Variants in CRIM1 observed in about 807,000 individuals in gnomAD.
CRIM1 encodes the protein cysteine rich transmembrane BMP regulator 1.
Under a neutral mutation model 116.4 loss-of-function variants are expected in CRIM1, and 32 were observed. The observed-to-expected ratio is 0.27, with a 90% CI of 0.21 to 0.37. CRIM1 has a LOEUF of 0.37. Among genes scored for constraint, CRIM1 ranks in the 10% least tolerant of loss-of-function variants. The pLI is 1.00. For synonymous variants in CRIM1, 590 were observed against 509.2 expected (o/e 1.16, Z -2.13); for missense variants, 1,331 against 1,354.8 (o/e 0.98, Z 0.28).
intron 14 of CRIM1, among the ~76,000 whole-genome samples, chr2:36,542,669 A>T (rs775293353): frequency 6.6e-6 from 1 of 152,202 alleles, no homozygotes; most frequent in Non-Finnish European, 1.5e-5. Flanking sequence ...CTATTGTCAT[A>T]GGAAGGCTCA....
intron 2 of CRIM1, among the ~76,000 whole-genome samples, chr2:36,404,316 T>A (rs886313640): frequency 1.3e-5 from 2 of 152,236 alleles, no homozygotes; most frequent in African/African-American, 2.4e-5. Flanking sequence ...TTTAAAAGTA[T>A]CTGACTATAG....
rs575790085 is a variant in CRIM1, at chr2:36,374,748, G to A, written c.331+18125G>A. ...AATTTATTTTCCTGAGTGCCTGGGC[G>A]TGCTCCAAACAGATAGCTGTGATTG... On this transcript the variant is annotated intron_variant, in intron 1 of 16. Transcript: ENST00000280527. Among the ~76,000 whole-genome samples the A allele has an allele frequency of 5.9e-5, 9 of 152,188 alleles. No individual in the cohort carries two copies. In the South Asian group the frequency reaches 1.2e-3, roughly 21 times the overall value.
At position 36,550,082 on chromosome 2, in the gene CRIM1, C is replaced by T. The variant is rs1301666747; in HGVS notation, c.*1381C>T. On this transcript the variant is annotated 3_prime_UTR_variant, in exon 17 of 17. Coordinates refer to ENST00000280527, the MANE Select transcript of CRIM1 (RefSeq NM_016441.3). ...GTGTGTGTGTGCGCGCGCACGCACG[C>T]CTTGAGCAGTCAGCATTGCACCTGC... 6.6e-6 allele frequency: 1 copy of T among 152,134 alleles called. No homozygotes were observed. Among genetic ancestry groups the T allele is most frequent in the African/African-American group, 2.4e-5 (1 of 41,220 alleles). The allele number at this position is 152,134 out of a possible 1,614,324, so 9.4% of individuals were successfully genotyped here.
intron 4 of CRIM1, among the ~76,000 whole-genome samples, chr2:36,461,382 CA>C: frequency 6.6e-6 from 1 of 152,132 alleles, no homozygotes; most frequent in Admixed American, 6.5e-5. Flanking sequence ...TTAGGGAGGA[CA>C]AAAAGAATTA....
At chr2:36,523,135 G>T (rs1246889974) in intron 13 of CRIM1, among the ~76,000 whole-genome samples, 1 of 151,938 alleles carries the variant, frequency 6.6e-6, no homozygotes, top group Non-Finnish European at 1.5e-5. Flanking sequence ...TTGTATTTTA[G>T]TAGAGATGGG....
intron 4 of CRIM1, among the ~76,000 whole-genome samples, chr2:36,453,464 ACC>A (rs1186198834): frequency 6.6e-6 from 1 of 152,164 alleles, no homozygotes; most frequent in Non-Finnish European, 1.5e-5. Flanking sequence ...GAGGGCAAGG[ACC>A]CACCCTATAT....
rs117949061 is a variant in CRIM1 at position 36,386,582 on chromosome 2, C to T, written c.332-10032C>T. Among the ~76,000 whole-genome samples the T allele has an allele frequency of 3.8e-4, 58 of 152,342 alleles. 1 individual carries two copies. In the East Asian group the frequency reaches 9.4e-3, roughly 25 times the overall value. Reference sequence around the variant, plus strand: ...GCTTTGATTAAATTCATGTGCTCGTCCTCTCTATCCCTATTTATTCCTTCT... The same window carrying T: ...GCTTTGATTAAATTCATGTGCTCGTTCTCTCTATCCCTATTTATTCCTTCT... On this transcript the variant is annotated intron_variant, in intron 1 of 16. Coordinates refer to ENST00000280527, the MANE Select transcript of CRIM1 (RefSeq NM_016441.3).
intron 8 of CRIM1, among the ~76,000 whole-genome samples, chr2:36,507,960 T>G (rs1558382538): frequency 2.0e-5 from 3 of 152,222 alleles, no homozygotes; most frequent in African/African-American, 7.2e-5. Flanking sequence ...TTTCCCAACA[T>G]AATTCATTTG....
chr2:36,391,347 C>T (rs552288834), intron 1 of CRIM1, among the ~76,000 whole-genome samples: 1 of 150,940 alleles, frequency 6.6e-6, no homozygotes, highest in African/African-American at 2.4e-5. Context: ...CCAGGATGGT[C>T]TCGATCTCCT....
chr2:36,429,229 C>T (rs958501793), intron 2 of CRIM1, among the ~76,000 whole-genome samples: 1 of 152,210 alleles, frequency 6.6e-6, no homozygotes, highest in African/African-American at 2.4e-5. Context: ...TTTGTGAGAG[C>T]TGTTTCACCA....
rs1668826376 is a variant in CRIM1 at position 36,356,638 on chromosome 2, T to C, written c.331+15T>C. ...CGTTTGCGAAGGTACGGCCGCCCGC[T>C]GCGGGCCCCCTCCCACCTGGCCTGC... is the stretch of plus-strand genomic sequence containing the variant. On this transcript the variant is annotated intron_variant, in intron 1 of 16. Coordinates refer to ENST00000280527, the MANE Select transcript of CRIM1 (RefSeq NM_016441.3). The surrounding 1 kb of genome is among the most constrained non-coding windows in gnomAD (Gnocchi z 4.3). 1.1e-5 allele frequency: 17 copies of C among 1,598,224 alleles called. No homozygotes were observed. The highest frequency in any genetic ancestry group is 1.4e-5 in the Non-Finnish European group (17 of 1,174,124).
At chr2:36,511,450 G>T (rs1231956383) in intron 9 of CRIM1, among the ~76,000 whole-genome samples, 1 of 152,146 alleles carries the variant, frequency 6.6e-6, no homozygotes, top group African/African-American at 2.4e-5. Context: ...ATAAGAATAT[G>T]ATGTCAATAA....
chr2:36,510,315 A>C (rs1024491432), intron 9 of CRIM1, among the ~76,000 whole-genome samples, 176 bp downstream of exon 9: 5 of 152,228 alleles, frequency 3.3e-5, no homozygotes, highest in African/African-American at 1.2e-4. Flanking sequence ...TCTCCAAAAA[A>C]AAAGAATCAA....
intron 2 of CRIM1, among the ~76,000 whole-genome samples, chr2:36,425,047 G>A (rs1033623353): frequency 1.3e-5 from 2 of 152,284 alleles, no homozygotes; most frequent in South Asian, 4.2e-4. Flanking sequence ...CACGTAAGCA[G>A]TTAAAGTCAG....
chr2:36,464,727 G>T, intron 5 of CRIM1, 72 bp downstream of exon 5: 1 of 1,563,916 alleles, frequency 6.4e-7, no homozygotes. Context: ...GTTCAACTTA[G>T]CTGCTTCTGC....
At chr2:36,435,330 C>CTG (rs111252647) in intron 2 of CRIM1, among the ~76,000 whole-genome samples, 29,560 of 149,734 alleles carry the variant, frequency 0.2, 3,320 homozygotes, top group East Asian at 0.54. Flanking sequence ...GTGTATCTCA[C>CTG]TGTGTGTGTG....
chr2:36,364,393 C>T (rs1350973647), intron 1 of CRIM1, among the ~76,000 whole-genome samples: 1 of 152,156 alleles, frequency 6.6e-6, no homozygotes, highest in Non-Finnish European at 1.5e-5. Context: ...TCCTTGTTTT[C>T]ACACAGGCCA....
At chr2:36,432,333 A>T (rs937784092) in intron 2 of CRIM1, among the ~76,000 whole-genome samples, 2 of 152,170 alleles carry the variant, frequency 1.3e-5, no homozygotes, top group African/African-American at 4.8e-5. Context: ...AAAAAAATAA[A>T]TTCATTGTTA....
chr2:36,455,459 A>G (rs566095818), intron 4 of CRIM1, among the ~76,000 whole-genome samples: 1 of 152,306 alleles, frequency 6.6e-6, no homozygotes, highest in East Asian at 1.9e-4. Flanking sequence ...TAGAGAGATT[A>G]CTTAACTTAC....
Sources: gnomAD v4.1 joint callset for allele counts (sites outside exome capture counted in the v4.1 genomes callset) on GRCh38, gnomAD v4.1.1 for gene constraint, Gnocchi (gnomAD v3.1) non-coding constraint, MANE v1.5 for transcripts, NCBI Gene and HGNC (gene_info 2026-07-23, HGNC 2026-07-21) for gene names.